Variants in HS6ST3 observed in about 807,000 individuals in gnomAD.
HS6ST3 encodes heparan sulfate 6-O-sulfotransferase 3.
In HS6ST3, 12 loss-of-function variants were observed where a neutral mutation model predicts 36.7. The observed-to-expected ratio is 0.33, with a 90% CI of 0.21 to 0.53. The LOEUF (loss-of-function observed/expected upper bound fraction) is 0.53, where lower values mean the gene tolerates loss of function less well. HS6ST3 is among the 20% of genes least tolerant of loss of function. The pLI is 0.95. For synonymous variants in HS6ST3, 240 were observed against 257.5 expected (o/e 0.93, Z 0.65); for missense variants, 584 against 640.9 (o/e 0.91, Z 0.96).
chr13:96,113,364 C>G (rs1010976419), intron 1 of HS6ST3, among the ~76,000 whole-genome samples: 2 of 152,114 alleles, frequency 1.3e-5, no homozygotes, highest in East Asian at 1.9e-4. Flanking sequence ...CCCTGCCCCC[C>G]ATTAACAGAT....
At chr13:96,595,423 G>C (rs1241284122) in intron 1 of HS6ST3, among the ~76,000 whole-genome samples, 2 of 151,430 alleles carry the variant, frequency 1.3e-5, no homozygotes, top group Admixed American at 1.3e-4. Flanking sequence ...TCTTTTATAT[G>C]TTATTTTTTT....
chr13:96,121,102 T>C (rs750958278), intron 1 of HS6ST3, among the ~76,000 whole-genome samples: 38 of 152,352 alleles, frequency 2.5e-4, no homozygotes, highest in Admixed American at 5.2e-4. Flanking sequence ...CTTAAGTTTA[T>C]TTGCATACCT....
intron 1 of HS6ST3, among the ~76,000 whole-genome samples, chr13:96,348,571 A>C (rs1324214221): frequency 1.3e-5 from 2 of 152,204 alleles, no homozygotes; most frequent in African/African-American, 4.8e-5. Flanking sequence ...GTACTTGTGT[A>C]TTCATTGAAA....
At chr13:96,650,738 G>A (rs2139012354) in intron 1 of HS6ST3, among the ~76,000 whole-genome samples, 1 of 152,140 alleles carries the variant, frequency 6.6e-6, no homozygotes, top group South Asian at 2.1e-4. Flanking sequence ...TCACACAATG[G>A]CCACAGGTAG....
In HS6ST3 at chr13:96,676,756, T is replaced by C. The variant is rs529217218; in HGVS notation, c.708-155734T>C. 7.4e-4 allele frequency among the ~76,000 whole-genome samples: 112 copies of C among 152,308 alleles called. 3 individuals carry two copies. The South Asian group carries it at 0.022, about 30-fold the overall frequency. On this transcript the variant is annotated intron_variant, in intron 1 of 1. Transcript: ENST00000376705. Reference sequence around the variant, plus strand: ...AACTACCAGGAAAAGTTGACAAGTCTTATGAAGTCAAGATAAATGACACCT... The same window carrying C: ...AACTACCAGGAAAAGTTGACAAGTCCTATGAAGTCAAGATAAATGACACCT...
In HS6ST3 at chr13:96,624,372, AT is replaced by A. The variant is rs1014087102; in HGVS notation, c.708-208110del. Among the ~76,000 whole-genome samples, 9 of 148,754 alleles carry A rather than the reference AT, an allele frequency of 6.1e-5. 1 individual carries two copies. Among genetic ancestry groups the A allele is most frequent in the African/African-American group, 2.3e-4 (9 of 39,438 alleles). On this transcript the variant is annotated intron_variant, in intron 1 of 1. Coordinates refer to ENST00000376705, the MANE Select transcript of HS6ST3 (RefSeq NM_153456.4). ...ATACATATGTAACCATAAACCATAT[AT>A]TTTTTTTAGTTTTGCCTAGATTTGT...
rs1339037306 is a variant in HS6ST3 at position 96,534,765 on chromosome 13, C to G, written c.708-297725C>G. ...CCTGAGGTCAGGAGTTCAAGACCAG[C>G]CTGGCCAACATGGTGAAACCCTGTC... On this transcript the variant is annotated intron_variant, in intron 1 of 1. Coordinates refer to ENST00000376705, the MANE Select transcript of HS6ST3 (RefSeq NM_153456.4). 3.3e-5 allele frequency among the ~76,000 whole-genome samples: 5 copies of G among 152,100 alleles called. No individual in the cohort carries two copies. In the South Asian group the frequency reaches 8.3e-4, roughly 25 times the overall value.
chr13:96,439,837 G>A (rs937379975), intron 1 of HS6ST3, among the ~76,000 whole-genome samples: 6 of 152,188 alleles, frequency 3.9e-5, no homozygotes, highest in African/African-American at 9.6e-5. Flanking sequence ...TTCTGAATAC[G>A]AGAGGATTCT....
intron 1 of HS6ST3, among the ~76,000 whole-genome samples, chr13:96,275,870 T>TC (rs35626911): frequency 1.4e-5 from 2 of 140,810 alleles, no homozygotes; most frequent in African/African-American, 2.6e-5. Context: ...TTTTTTTTTT[T>TC]GGTGGTGGTG....
chr13:96,299,011 C>T (rs2139402598), intron 1 of HS6ST3, among the ~76,000 whole-genome samples: 1 of 152,204 alleles, frequency 6.6e-6, no homozygotes, highest in Admixed American at 6.5e-5. Context: ...TTTAAAGGTA[C>T]CCTGTTTCAG....
At chr13:96,409,200 A>G (rs1485062915) in intron 1 of HS6ST3, among the ~76,000 whole-genome samples, 2 of 152,228 alleles carry the variant, frequency 1.3e-5, no homozygotes, top group African/African-American at 2.4e-5. Context: ...ATATTTGTCC[A>G]TATCTGGCAT....
At chr13:96,322,398 A>G (rs1261631490) in intron 1 of HS6ST3, among the ~76,000 whole-genome samples, 1 of 139,778 alleles carries the variant, frequency 7.2e-6, no homozygotes, top group Non-Finnish European at 1.5e-5. Flanking sequence ...AAAAAAAAAA[A>G]AAACAAGCAT....
intron 1 of HS6ST3, among the ~76,000 whole-genome samples, chr13:96,512,959 T>C (rs2056056629): frequency 6.6e-6 from 1 of 152,032 alleles, no homozygotes; most frequent in Non-Finnish European, 1.5e-5. Context: ...TCAAAACTTT[T>C]AAGGACGGCA....
intron 1 of HS6ST3, among the ~76,000 whole-genome samples, chr13:96,197,257 G>A (rs2054318868): frequency 6.6e-6 from 1 of 152,270 alleles, no homozygotes; most frequent in East Asian, 1.9e-4. Context: ...AGTGGCAAGA[G>A]AAAATGAGAG....
intron 1 of HS6ST3, among the ~76,000 whole-genome samples, chr13:96,734,076 C>G (rs2138479190): frequency 6.6e-6 from 1 of 152,310 alleles, no homozygotes; most frequent in Middle Eastern, 3.4e-3. Context: ...GGATTTCTAA[C>G]TGCCCTTGAA....
chr13:96,434,394 A>G (rs2055631263), intron 1 of HS6ST3, among the ~76,000 whole-genome samples: 1 of 152,124 alleles, frequency 6.6e-6, no homozygotes, highest in Admixed American at 6.5e-5. Context: ...CACAGTGGTA[A>G]CCCAATTCCC....
At chr13:96,503,601 T>C (rs946463323) in intron 1 of HS6ST3, among the ~76,000 whole-genome samples, 1 of 152,016 alleles carries the variant, frequency 6.6e-6, no homozygotes, top group Non-Finnish European at 1.5e-5. Context: ...GGATAGGGGT[T>C]CTTATGGGGG....
intron 1 of HS6ST3, among the ~76,000 whole-genome samples, chr13:96,651,150 C>A (rs997637634): frequency 6.6e-6 from 1 of 152,018 alleles, no homozygotes; most frequent in African/African-American, 2.4e-5. Context: ...ATTTTTCTAT[C>A]ATCAATTATT....
At chr13:96,678,893 G>A (rs2056708552) in intron 1 of HS6ST3, among the ~76,000 whole-genome samples, 1 of 151,906 alleles carries the variant, frequency 6.6e-6, no homozygotes, top group South Asian at 2.1e-4. Flanking sequence ...CTTAAAGTAT[G>A]AGGAGTATCT....
Sources: gnomAD v4.1 joint callset for allele counts (sites outside exome capture counted in the v4.1 genomes callset) on GRCh38, gnomAD v4.1.1 for gene constraint, MANE v1.5 for transcripts, NCBI Gene and HGNC (gene_info 2026-07-23, HGNC 2026-07-21) for gene names.